The following EXOC4 variants were observed in gnomAD, a reference collection of about 807,000 sequenced individuals.
The protein encoded by EXOC4 is exocyst complex component 4.
EXOC4 carries 71 observed loss-of-function variants against 107.2 expected under a neutral mutation model. That is an observed-to-expected ratio of 0.66 (90% CI 0.55 to 0.81). The LOEUF is 0.81. Among genes scored for constraint, EXOC4 ranks in the 30% least tolerant of loss-of-function variants. The probability of loss-of-function intolerance (pLI) is 0.00; values close to 1 mark genes in which losing one functional copy is unlikely to be tolerated. For missense variants in EXOC4, 1,108 were observed against 1,189.6 expected (o/e 0.93, Z 1.01); for synonymous variants, 456 against 441.2 (o/e 1.03, Z -0.42).
rs1562997658 is a variant in EXOC4 at position 133,787,966 on chromosome 7, TATATATATATATATATATATA to T, written c.1515-29358_1515-29338del. Reference sequence around the variant, plus strand: ...CCCTGTGCATATATTTATATATTTATATATATATATATATATATATATATATATATATATATATATATATAT... The same window carrying T: ...CCCTGTGCATATATTTATATATTTATTATATATATATATATATATATATAT... On this transcript the variant is annotated intron_variant, in intron 10 of 17. Coordinates refer to ENST00000253861, the MANE Select transcript of EXOC4 (RefSeq NM_021807.4). Among the ~76,000 whole-genome samples the T allele has an allele frequency of 5.2e-3, 85 of 16,492 alleles. 1 individual carries two copies. Among genetic ancestry groups the T allele is most frequent in the African/African-American group, 0.017 (81 of 4,648 alleles). The allele number at this position is 16,492 out of a possible 152,430, so 10.8% of individuals were successfully genotyped here. A position where few individuals can be genotyped will look rare whatever the true frequency, so the allele number is the denominator to read the frequency against.
Position 133,356,505 on chromosome 7 carries a change from G to C in EXOC4, c.939G>C (p.Arg313Ser), listed in dbSNP as rs750982913. The change falls in exon 6 of 18, where the codon AGG becomes AGC. Residue 313 changes from arginine (R) to serine (S), a missense_variant. Physicochemically the swap from Arg to Ser is moderately radical, Grantham distance 110 (BLOSUM62 -1). Transcript: ENST00000253861. ...LEQELKQIVK[R>S]STTQVADSGY... ...AGGAGTTGAAGCAAATTGTGAAGAGGTCTACAACCCAGGTGGCAGACAGTG... is the reference window on the plus strand; with the variant it reads ...AGGAGTTGAAGCAAATTGTGAAGAGCTCTACAACCCAGGTGGCAGACAGTG... 6.2e-7 allele frequency: 1 copy of C among 1,614,092 alleles called. No homozygotes were observed. Among genetic ancestry groups the C allele is most frequent in the South Asian group, 1.1e-5 (1 of 91,082 alleles).
chr7:133,698,186 G>C (rs1027655881), intron 10 of EXOC4, among the ~76,000 whole-genome samples: 3 of 151,934 alleles, frequency 2.0e-5, no homozygotes, highest in Non-Finnish European at 4.4e-5. Context: ...CCTGCTCTCT[G>C]TATCAGTGCC....
At chr7:133,823,869 ATAT>A (rs1367808732) in intron 11 of EXOC4, among the ~76,000 whole-genome samples, 246 of 9,180 alleles carry the variant, frequency 0.027, 6 homozygotes, top group South Asian at 0.1. Context: ...ATATATATAT[ATAT>A]TATATATATA....
At chr7:133,360,008 A>G (rs1013412547) in intron 6 of EXOC4, among the ~76,000 whole-genome samples, 24 of 152,204 alleles carry the variant, frequency 1.6e-4, no homozygotes, top group Non-Finnish European at 4.4e-5. Context: ...ATTATTGCCA[A>G]CTTGATAAAC....
chr7:133,593,368 T>TCTGTCC (rs1801593757), intron 9 of EXOC4, among the ~76,000 whole-genome samples: 2 of 152,186 alleles, frequency 1.3e-5, no homozygotes, highest in Non-Finnish European at 2.9e-5. Context: ...TGAAATTAAC[T>TCTGTCC]CCAGTAATCC....
intron 10 of EXOC4, among the ~76,000 whole-genome samples, chr7:133,724,232 C>A (rs965985234): frequency 2.6e-5 from 4 of 152,160 alleles, no homozygotes; most frequent in Non-Finnish European, 4.4e-5. Context: ...TTACAGTCTT[C>A]TTTTGTTGAG....
chr7:134,072,517 A>G, the EXOC4 span, among the ~76,000 whole-genome samples: 1 of 152,140 alleles, frequency 6.6e-6, no homozygotes, highest in Non-Finnish European at 1.5e-5. Context: ...GACCTGCTGC[A>G]GAGGGGAAAG....
the EXOC4 span, among the ~76,000 whole-genome samples, chr7:134,094,148 A>G: frequency 1.3e-5 from 2 of 152,184 alleles, no homozygotes; most frequent in Non-Finnish European, 2.9e-5. Context: ...GTTATGTGAA[A>G]GGATGAACAA....
chr7:133,356,966 C>T (rs1021891826), intron 6 of EXOC4, among the ~76,000 whole-genome samples: 5 of 152,232 alleles, frequency 3.3e-5, no homozygotes, highest in Non-Finnish European at 5.9e-5. Flanking sequence ...GGTGACAGAG[C>T]GAGACTCCGT....
At chr7:133,836,136 C>T (rs1313251338) in intron 11 of EXOC4, among the ~76,000 whole-genome samples, 1 of 152,188 alleles carries the variant, frequency 6.6e-6, no homozygotes, top group African/African-American at 2.4e-5. Flanking sequence ...TTTAACCAAA[C>T]TCATACACAT....
At chr7:133,264,500 T>G (rs1433114913) in intron 1 of EXOC4, among the ~76,000 whole-genome samples, 1 of 152,170 alleles carries the variant, frequency 6.6e-6, no homozygotes, top group Non-Finnish European at 1.5e-5. Flanking sequence ...TGTGCTCTAA[T>G]AAGACATAAT....
At chr7:134,073,097 T>G in the EXOC4 span, among the ~76,000 whole-genome samples, 1,184 of 145,376 alleles carry the variant, frequency 8.1e-3, 19 homozygotes, top group African/African-American at 0.029. Context: ...TCCCAGCTAC[T>G]CAGGAGGCTG....
intron 10 of EXOC4, among the ~76,000 whole-genome samples, chr7:133,750,713 G>A (rs1345190794): frequency 6.6e-6 from 1 of 151,798 alleles, no homozygotes; most frequent in Non-Finnish European, 1.5e-5. Context: ...CCAAGTAGCT[G>A]GGACCATAGG....
At chr7:134,061,941 T>C (rs749066144) in intron 17 of EXOC4, among the ~76,000 whole-genome samples, 1 of 152,180 alleles carries the variant, frequency 6.6e-6, no homozygotes, top group Non-Finnish European at 1.5e-5. Flanking sequence ...ATGCTAAACA[T>C]GAAACTTCAA....
At chr7:133,268,744 A>T (rs1793796405) in intron 1 of EXOC4, among the ~76,000 whole-genome samples, 1 of 152,204 alleles carries the variant, frequency 6.6e-6, no homozygotes. Flanking sequence ...TTGTGAATCC[A>T]CTAGAACTTA....
chr7:133,675,863 A>G (rs1794045505), intron 10 of EXOC4, among the ~76,000 whole-genome samples: 1 of 152,158 alleles, frequency 6.6e-6, no homozygotes, highest in Admixed American at 6.5e-5. Context: ...CCAGCTTATG[A>G]TTTTTAATAC....
At chr7:133,604,710 C>CTTTTTTTTTTTTTTTTTTTT (rs61548710) in intron 9 of EXOC4, among the ~76,000 whole-genome samples, 8 of 50,216 alleles carry the variant, frequency 1.6e-4, no homozygotes, top group Admixed American at 3.4e-4. Flanking sequence ...TTCCTTCTTT[C>CTTTTTTTTTTTTTTTTTTTT]TTTTTTTTTT....
intron 7 of EXOC4, among the ~76,000 whole-genome samples, chr7:133,404,873 C>G (rs1193850306): frequency 7.6e-5 from 2 of 26,428 alleles, no homozygotes; most frequent in Non-Finnish European, 1.3e-4. Context: ...CCCCCTGCGC[C>G]CCCCCCCCCA....
At chr7:133,782,750 G>T (rs1210298585) in intron 10 of EXOC4, among the ~76,000 whole-genome samples, 2 of 152,126 alleles carry the variant, frequency 1.3e-5, no homozygotes, top group Non-Finnish European at 2.9e-5. Context: ...TCGGACCCGG[G>T]TACTTAACTA....
Sources: allele counts gnomAD v4.1 joint callset (sites outside exome capture counted in the v4.1 genomes callset), GRCh38; gene constraint gnomAD v4.1.1; transcripts MANE v1.5; gene names NCBI Gene and HGNC (gene_info 2026-07-23, HGNC 2026-07-21).